Variants in YTHDF3 observed in about 807,000 individuals in gnomAD.
The protein encoded by YTHDF3 is YTH N6-methyladenosine RNA binding protein F3.
A neutral mutation model predicts 52.5 loss-of-function variants in YTHDF3; 9 were observed. That is an observed-to-expected ratio of 0.17 (90% CI 0.10 to 0.30). The LOEUF (loss-of-function observed/expected upper bound fraction) is 0.30. Among genes scored for constraint, YTHDF3 ranks in the 10% least tolerant of loss-of-function variants. The pLI is 1.00. For synonymous variants in YTHDF3, 274 were observed against 243.3 expected, an observed-to-expected ratio of 1.13 and a Z score of -1.18; for missense variants, 534 against 715.0, an observed-to-expected ratio of 0.75 and a Z score of 2.89.
chr8:63,208,423 A>G (rs1810176183), intron 4 of YTHDF3, among the ~76,000 whole-genome samples: 1 of 152,232 alleles, frequency 6.6e-6, no homozygotes, highest in African/African-American at 2.4e-5. Flanking sequence ...ATAAAATGAG[A>G]GTAGCAAAAG....
At chr8:63,174,124 C>T (rs762263717) in intron 2 of YTHDF3, among the ~76,000 whole-genome samples, 16 of 152,246 alleles carry the variant, frequency 1.1e-4, no homozygotes, top group African/African-American at 3.4e-4. Flanking sequence ...CAGAGGAATA[C>T]GCAATTTAAA....
chr8:63,169,324 T>A, intron 1 of YTHDF3, 63 bp from the exon 2 acceptor site: 1 of 1,552,140 alleles, frequency 6.4e-7, no homozygotes, highest in Non-Finnish European at 8.7e-7. Flanking sequence ...TGCCTTTGAT[T>A]AACACACTTT....
chr8:63,176,429 G>A (rs1807696426), intron 3 of YTHDF3, among the ~76,000 whole-genome samples: 2 of 151,894 alleles, frequency 1.3e-5, no homozygotes, highest in Non-Finnish European at 2.9e-5. Context: ...ACAGGCGCCC[G>A]CCACCATGCC....
chr8:63,183,273 T>C (rs1446170409), intron 3 of YTHDF3, among the ~76,000 whole-genome samples: 2 of 152,172 alleles, frequency 1.3e-5, no homozygotes, highest in African/African-American at 4.8e-5. Context: ...GTTTTATCTT[T>C]TAATCAGTTA....
chr8:63,175,436 C>T lies in YTHDF3; in HGVS notation c.135+20C>T. On this transcript the variant is annotated intron_variant, in intron 3 of 4. Coordinates refer to ENST00000539294, the MANE Select transcript of YTHDF3 (RefSeq NM_152758.6). ...AATCAGGTAAGTCTTCTGACAGTTT[C>T]AGATTTTAGGAAATTAACCTTTTAT... The T allele has an allele frequency of 6.3e-7, 1 of 1,581,728 alleles. No individual in the cohort carries two copies. The highest frequency in any genetic ancestry group is 8.6e-7 in the Non-Finnish European group (1 of 1,156,290).
chr8:63,182,021 G>A (rs1808173583), intron 3 of YTHDF3, among the ~76,000 whole-genome samples: 1 of 152,044 alleles, frequency 6.6e-6, no homozygotes, highest in South Asian at 2.1e-4. Context: ...TTGTTAAATC[G>A]GAAGTCATGT....
chr8:63,170,555 T>C (rs1198430357), intron 2 of YTHDF3, among the ~76,000 whole-genome samples: 1 of 152,184 alleles, frequency 6.6e-6, no homozygotes, highest in African/African-American at 2.4e-5. Context: ...TTTTTTTTGT[T>C]GTAAGCATAA....
intron 4 of YTHDF3, chr8:63,189,026 AC>A (rs1808740928): frequency 6.6e-6 from 1 of 152,046 alleles, no homozygotes; most frequent in African/African-American, 2.4e-5. Context: ...TGTTTTTAAA[AC>A]ATAAAACTCT....
intron 4 of YTHDF3, among the ~76,000 whole-genome samples, chr8:63,200,423 T>TC (rs1269718611): frequency 6.6e-6 from 1 of 152,036 alleles, no homozygotes; most frequent in African/African-American, 2.4e-5. Flanking sequence ...TTCTTTTTTT[T>TC]CTTTTTTTTT....
At chr8:63,194,251 A>G (rs373208785) in intron 4 of YTHDF3, among the ~76,000 whole-genome samples, 5 of 152,252 alleles carry the variant, frequency 3.3e-5, no homozygotes, top group African/African-American at 9.6e-5. Context: ...CGGGAGGCCG[A>G]TGCAGGAGGA....
Position 63,168,679 on chromosome 8 carries a change from G to T in YTHDF3, c.-199G>T. 1 of 947,026 alleles carries T rather than the reference G, an allele frequency of 1.1e-6. No homozygotes were observed. The highest frequency in any genetic ancestry group is 1.6e-6 in the Non-Finnish European group (1 of 628,664). The allele number at this position is 947,026 out of a possible 1,614,324, so 58.7% of individuals were successfully genotyped here. ...GAGAAGCAGAGAGCGAGAGGGGGAAGAGGAGCGTGCAAGCGGAAAAGACGG... is the reference window on the plus strand; with the variant it reads ...GAGAAGCAGAGAGCGAGAGGGGGAATAGGAGCGTGCAAGCGGAAAAGACGG... On this transcript the variant is annotated 5_prime_UTR_variant, in exon 1 of 5. Transcript: ENST00000539294.
intron 4 of YTHDF3, among the ~76,000 whole-genome samples, chr8:63,196,025 C>T (rs1018752742): frequency 1.3e-5 from 2 of 152,040 alleles, no homozygotes; most frequent in African/African-American, 4.8e-5. Context: ...TGGTTTAGAA[C>T]TTAGAGCTCT....
rs1264224989 is a variant in YTHDF3 at position 63,211,564 on chromosome 8, C to T, written c.*1858C>T. On this transcript the variant is annotated 3_prime_UTR_variant, in exon 5 of 5. Coordinates refer to ENST00000539294, the MANE Select transcript of YTHDF3 (RefSeq NM_152758.6). ...ATTAGAGAATATTATAAAAGGGTGA[C>T]CTTGTAGGAAGGATCTGAGTCCTCC... 1 of 152,410 alleles carries T rather than the reference C, an allele frequency of 6.6e-6. No homozygotes were observed. Among genetic ancestry groups the T allele is most frequent in the Non-Finnish European group, 1.5e-5 (1 of 67,980 alleles). 9.4% of individuals were successfully genotyped at this position (152,410 alleles called of 1,614,324 possible).
At chr8:63,185,778 A>G (rs772626264) in intron 3 of YTHDF3, among the ~76,000 whole-genome samples, 48 of 152,258 alleles carry the variant, frequency 3.2e-4, no homozygotes, top group Non-Finnish European at 6.2e-4. Flanking sequence ...ATTAAAGTAC[A>G]GCTGGCTGTA....
At chr8:63,174,811 G>C (rs756794708) in intron 2 of YTHDF3, among the ~76,000 whole-genome samples, 2 of 152,092 alleles carry the variant, frequency 1.3e-5, no homozygotes, top group Non-Finnish European at 2.9e-5. Context: ...ATTGTTTCAA[G>C]TTAATTTTAG....
At chr8:63,201,751 A>T (rs751666649) in intron 4 of YTHDF3, among the ~76,000 whole-genome samples, 19 of 152,270 alleles carry the variant, frequency 1.2e-4, no homozygotes, top group Non-Finnish European at 2.4e-4. Context: ...AAAATCTACA[A>T]TTAGAGAACT....
At chr8:63,204,113 T>TATGTCACCC in intron 4 of YTHDF3, among the ~76,000 whole-genome samples, 1 of 152,012 alleles carries the variant, frequency 6.6e-6, no homozygotes, top group African/African-American at 2.4e-5. Context: ...TTTTTTGTTG[T>TATGTCACCC]TTGTCACCCT....
intron 3 of YTHDF3, 66 bp from the exon 4 acceptor site, chr8:63,186,081 T>C: frequency 6.9e-7 from 1 of 1,439,868 alleles, no homozygotes; most frequent in East Asian, 2.3e-5. Flanking sequence ...TTTTAATCTT[T>C]CAGATTTCTT....
intron 3 of YTHDF3, among the ~76,000 whole-genome samples, chr8:63,177,193 G>A (rs1482006496): frequency 6.6e-6 from 1 of 152,190 alleles, no homozygotes; most frequent in Non-Finnish European, 1.5e-5. Context: ...TTGTACAGTA[G>A]AGTTATAGGG....
Sources: allele counts gnomAD v4.1 joint callset (sites outside exome capture counted in the v4.1 genomes callset), GRCh38; gene constraint gnomAD v4.1.1; transcripts MANE v1.5; gene names NCBI Gene and HGNC (gene_info 2026-07-23, HGNC 2026-07-21).